Variants in SMCO2 observed in about 807,000 individuals in gnomAD.
SMCO2 encodes single-pass membrane and coiled-coil domain-containing protein 2.
SMCO2 carries 25 observed loss-of-function variants against 29.5 expected under a neutral mutation model. That is an observed-to-expected ratio of 0.85 (90% CI 0.62 to 1.18). The LOEUF (loss-of-function observed/expected upper bound fraction) is 1.18. SMCO2 is among the 50% of genes most tolerant of loss of function. The pLI is 0.00. For missense variants in SMCO2, 348 were observed against 344.5 expected, an observed-to-expected ratio of 1.01 and a Z score of -0.08; for synonymous variants, 117 against 123.3, an observed-to-expected ratio of 0.95 and a Z score of 0.34.
chr12:27,443,817 T>C, the SMCO2 span, among the ~76,000 whole-genome samples: 3 of 152,122 alleles, frequency 2.0e-5, no homozygotes, highest in Non-Finnish European at 4.4e-5. Context: ...TGAAAGACAT[T>C]GAACAGGACA....
chr12:27,472,893 G>A lies in SMCO2; in HGVS notation c.234+18G>A, dbSNP rs1231745687. ...TTCACAAGGTAGACACTGAAAAATG[G>A]GTAAGAGAGACACTTAAATGACACA... On this transcript the variant is annotated intron_variant, in intron 3 of 7. Transcript: ENST00000298876. The A allele has an allele frequency of 1.3e-6, 2 of 1,520,884 alleles. No individual in the cohort carries two copies. Among genetic ancestry groups the A allele is most frequent in the East Asian group, 4.9e-5 (2 of 40,758 alleles). 94.2% of individuals were successfully genotyped at this position (1,520,884 alleles called of 1,614,324 possible). A position where few individuals can be genotyped will look rare whatever the true frequency, so the allele number is the denominator to read the frequency against.
rs575675391 is a variant in SMCO2, at chr12:27,467,112, A to T, written c.-11+137A>T. On this transcript the variant is annotated intron_variant, in intron 1 of 7. Coordinates refer to ENST00000298876, the Ensembl canonical transcript of SMCO2. Reference sequence around the variant, plus strand: ...AATTGTCCAGGTAGCAGGAACCAAGAGGGTAATCTGGGTGGTCAGGCCTGG... The same window carrying T: ...AATTGTCCAGGTAGCAGGAACCAAGTGGGTAATCTGGGTGGTCAGGCCTGG... 4 of 152,338 alleles carry T rather than the reference A, an allele frequency of 2.6e-5. No homozygotes were observed. The East Asian group carries it at 7.7e-4, about 29-fold the overall frequency. The allele number at this position is 152,338 out of a possible 1,614,324, so 9.4% of individuals were successfully genotyped here.
the SMCO2 span, among the ~76,000 whole-genome samples, chr12:27,449,706 G>A: frequency 6.6e-6 from 1 of 152,194 alleles, no homozygotes; most frequent in Non-Finnish European, 1.5e-5. Context: ...GTGATGCACT[G>A]ATAACACCAA....
At chr12:27,466,121 CAAG>C (rs761187936), upstream of SMCO2, among the ~76,000 whole-genome samples, 2 of 152,182 alleles carry the variant, frequency 1.3e-5, no homozygotes, top group Non-Finnish European at 2.9e-5. Context: ...CCCTGGTTTG[CAAG>C]AAGATCAAAT....
intron 5 of SMCO2, among the ~76,000 whole-genome samples, chr12:27,489,135 G>A (rs1949714025): frequency 6.6e-6 from 1 of 151,842 alleles, no homozygotes; most frequent in African/African-American, 2.4e-5. Context: ...TGCAATCTCC[G>A]CCTCCCGGGT....
chr12:27,429,722 A>G, the SMCO2 span, among the ~76,000 whole-genome samples: 1 of 152,208 alleles, frequency 6.6e-6, no homozygotes, highest in Admixed American at 6.5e-5. Context: ...GACAGCTAAC[A>G]TCCCTTCTAG....
the SMCO2 span, among the ~76,000 whole-genome samples, chr12:27,438,395 T>G: frequency 6.6e-6 from 1 of 152,226 alleles, no homozygotes; most frequent in African/African-American, 2.4e-5. Context: ...TCCAGAGCAA[T>G]GCAGCCGACA....
At chr12:27,431,025 ATCTT>A in the SMCO2 span, among the ~76,000 whole-genome samples, 1 of 149,074 alleles carries the variant, frequency 6.7e-6, no homozygotes, top group Non-Finnish European at 1.5e-5. Context: ...GAAATTTACT[ATCTT>A]TTTTTTTTTT....
chr12:27,462,736 A>G (rs546042804), upstream of SMCO2, among the ~76,000 whole-genome samples: 15 of 152,368 alleles, frequency 9.8e-5, no homozygotes, highest in South Asian at 2.9e-3. Context: ...GTTTCACAAT[A>G]GTAATTGAGA....
chr12:27,445,550 A>G, the SMCO2 span, among the ~76,000 whole-genome samples: 1 of 152,222 alleles, frequency 6.6e-6, no homozygotes, highest in African/African-American at 2.4e-5. Flanking sequence ...AAAAGCCACA[A>G]TTTCAAAACT....
In SMCO2 at chr12:27,478,066, T is replaced by C. The variant is rs184411440; in HGVS notation, c.362+3153T>C. ...ATGCATTGGCTTTCATAGGGAAAGA[T>C]TAGGTTTTCCTAAAGCTGTATTTAT... On this transcript the variant is annotated intron_variant, in intron 4 of 7. Transcript: ENST00000298876. 3.9e-5 allele frequency among the ~76,000 whole-genome samples: 6 copies of C among 152,294 alleles called. No individual in the cohort carries two copies. The East Asian group carries it at 1.2e-3, about 29-fold the overall frequency.
At chr12:27,460,811 C>T in the SMCO2 span, among the ~76,000 whole-genome samples, 1 of 152,188 alleles carries the variant, frequency 6.6e-6, no homozygotes, top group African/African-American at 2.4e-5. Context: ...ACTCACAGGG[C>T]TTATCTTGGA....
rs1030302055 is a variant in SMCO2 at position 27,491,764 on chromosome 12, C to T, written c.451-2536C>T. On this transcript the variant is annotated intron_variant, in intron 5 of 7. Transcript: ENST00000298876. ...TGTTGCCCATGTTGGAAGACAATGG[C>T]GCTATCTCGGCTCACTGCAACCTCC... Among the ~76,000 whole-genome samples, 34 of 150,442 alleles carry T rather than the reference C, an allele frequency of 2.3e-4. No individual in the cohort carries two copies. The South Asian group carries it at 3.1e-3, about 14-fold the overall frequency.
chr12:27,459,894 G>A, the SMCO2 span, among the ~76,000 whole-genome samples: 1 of 152,198 alleles, frequency 6.6e-6, no homozygotes, highest in South Asian at 2.1e-4. Context: ...TGAAAAAGAG[G>A]CAGGAAAATG....
At chr12:27,464,632 G>T (rs933043382), upstream of SMCO2, among the ~76,000 whole-genome samples, 1 of 149,876 alleles carries the variant, frequency 6.7e-6, no homozygotes, top group African/African-American at 2.5e-5. Context: ...TGGGAAGATG[G>T]CTTGAGCCCA....
chr12:27,434,125 C>T, the SMCO2 span, among the ~76,000 whole-genome samples: 7 of 152,162 alleles, frequency 4.6e-5, no homozygotes, highest in South Asian at 2.1e-4. Flanking sequence ...CATAACCTAG[C>T]GCCAAAACAG....
chr12:27,439,047 T>TTTTGG, the SMCO2 span, among the ~76,000 whole-genome samples: 1 of 152,142 alleles, frequency 6.6e-6, no homozygotes, highest in African/African-American at 2.4e-5. Context: ...TTCCTCACCT[T>TTTTGG]TTTGGTTTTT....
chr12:27,482,486 A>G (rs990227136), intron 4 of SMCO2, among the ~76,000 whole-genome samples: 1 of 152,120 alleles, frequency 6.6e-6, no homozygotes, highest in African/African-American at 2.4e-5. Context: ...TTTTTGGTAG[A>G]GGCAGGGTTC....
chr12:27,491,401 G>A (rs1431513968), intron 5 of SMCO2, among the ~76,000 whole-genome samples: 1 of 152,072 alleles, frequency 6.6e-6, no homozygotes, highest in African/African-American at 2.4e-5. Context: ...GACTGACCTT[G>A]TCCCAGTTAT....
Sources: allele counts gnomAD v4.1 joint callset (sites outside exome capture counted in the v4.1 genomes callset), GRCh38; gene constraint gnomAD v4.1.1; transcripts MANE v1.5; gene names NCBI Gene and HGNC (gene_info 2026-07-23, HGNC 2026-07-21).